The following NSG1 variants were observed in gnomAD, a reference collection of about 807,000 sequenced individuals.
NSG1 encodes neuronal vesicle trafficking associated 1.
NSG1 carries 9 observed loss-of-function variants against 19.3 expected under a neutral mutation model. That is an observed-to-expected ratio of 0.47 (90% CI 0.28 to 0.81). NSG1 has a LOEUF of 0.81. Ranked by LOEUF, NSG1 falls within the 40% of genes least tolerant of loss-of-function variation. The probability of loss-of-function intolerance (pLI) is 0.11; values close to 1 mark genes in which losing one functional copy is unlikely to be tolerated. For synonymous variants in NSG1, 104 were observed against 107.0 expected (o/e 0.97, Z 0.17); for missense variants, 236 against 242.4 (o/e 0.97, Z 0.18).
chr4:4,397,650 C>G (rs1257987315), intron 3 of NSG1, among the ~76,000 whole-genome samples: 2 of 152,212 alleles, frequency 1.3e-5, no homozygotes, highest in Non-Finnish European at 2.9e-5. Flanking sequence ...ACTCCTGGCC[C>G]AGGTGGGGCC....
chr4:4,387,853 A>G (rs895735270), intron 2 of NSG1, 95 bp downstream of exon 2: 15 of 1,062,116 alleles, frequency 1.4e-5, no homozygotes, highest in Non-Finnish European at 1.7e-5. Context: ...TGCGCTGGGT[A>G]CGCGAAGTGG....
intron 4 of NSG1, among the ~76,000 whole-genome samples, chr4:4,412,211 A>AG (rs1459993490): frequency 6.6e-6 from 1 of 152,074 alleles, no homozygotes; most frequent in Non-Finnish European, 1.5e-5. Context: ...CCCCACAGGG[A>AG]GGAGGGGGTG....
intron 1 of NSG1, among the ~76,000 whole-genome samples, 169 bp from the exon 2 acceptor site, chr4:4,387,435 G>A (rs1722778707): frequency 6.6e-6 from 1 of 152,114 alleles, no homozygotes; most frequent in Non-Finnish European, 1.5e-5. Flanking sequence ...AGCACCACCC[G>A]ACCCCCGCAT....
chr4:4,409,490 G>GA, intron 3 of NSG1, 83 bp from the exon 4 acceptor site: 1 of 977,948 alleles, frequency 1.0e-6, no homozygotes, highest in Admixed American at 1.7e-5. Context: ...ATGCTGTGTG[G>GA]GGGGGGGCCT....
chr4:4,403,780 G>C (rs917985914), intron 3 of NSG1, among the ~76,000 whole-genome samples: 2 of 152,236 alleles, frequency 1.3e-5, no homozygotes, highest in African/African-American at 4.8e-5. Context: ...CAGGTGTTGT[G>C]TTAGGAGTAC....
chr4:4,411,718 T>A (rs1724190005), intron 4 of NSG1, among the ~76,000 whole-genome samples: 1 of 145,506 alleles, frequency 6.9e-6, no homozygotes, highest in African/African-American at 2.8e-5. Context: ...CACTCCAGCC[T>A]GGGCAACAGA....
intron 3 of NSG1, among the ~76,000 whole-genome samples, chr4:4,406,751 G>A (rs955303484): frequency 6.6e-6 from 1 of 152,164 alleles, no homozygotes; most frequent in South Asian, 2.1e-4. Flanking sequence ...TCACAGGCTG[G>A]AGCCAGGTGC....
intron 4 of NSG1, among the ~76,000 whole-genome samples, chr4:4,410,928 A>T (rs1470183035): frequency 6.6e-6 from 1 of 152,008 alleles, no homozygotes; most frequent in Non-Finnish European, 1.5e-5. Flanking sequence ...TGCGTTCTTG[A>T]CTCACTGCAA....
chr4:4,409,548 C>A (rs771311844), intron 3 of NSG1, 25 bp from the exon 4 acceptor site: 2 of 1,590,386 alleles, frequency 1.3e-6, no homozygotes, highest in Non-Finnish European at 1.7e-6. Flanking sequence ...CCGGCCACCC[C>A]TGACAGTCCC....
chr4:4,390,518 A>G (rs1335454338), intron 2 of NSG1, among the ~76,000 whole-genome samples: 1 of 152,022 alleles, frequency 6.6e-6, no homozygotes, highest in Non-Finnish European at 1.5e-5. Context: ...CATCGTGGAG[A>G]GCAGGTGACG....
At position 4,402,829 on chromosome 4, in the gene NSG1, A is replaced by G. The variant is rs1396410039; in HGVS notation, c.247-6744A>G. On this transcript the variant is annotated intron_variant, in intron 3 of 4. Coordinates refer to ENST00000621129, the MANE Select transcript of NSG1 (RefSeq NM_014392.5). ...TAAGGAAATGCGCTTCTCCCAACCT[A>G]GAGACTGCCTGGCCCACCTGGAGAA... Among the ~76,000 whole-genome samples, 4 of 152,196 alleles carry G rather than the reference A, an allele frequency of 2.6e-5. No individual in the cohort carries two copies. In the East Asian group the frequency reaches 7.7e-4, roughly 29 times the overall value.
chr4:4,411,786 A>AACAAAACAAAACACAAAACAC (rs1724217449), intron 4 of NSG1, among the ~76,000 whole-genome samples: 1 of 141,934 alleles, frequency 7.0e-6, no homozygotes, highest in African/African-American at 2.7e-5. Context: ...AACAAAACAA[A>AACAAAACAAAACACAAAACAC]ACAAAACATT....
chr4:4,408,621 C>T (rs977858919), intron 3 of NSG1, among the ~76,000 whole-genome samples: 2 of 152,130 alleles, frequency 1.3e-5, no homozygotes, highest in Non-Finnish European at 2.9e-5. Flanking sequence ...ACCAACATGC[C>T]CGGCTAATTT....
intron 2 of NSG1, 50 bp from the exon 3 acceptor site, chr4:4,391,425 C>A (rs1237347509): frequency 7.9e-7 from 1 of 1,261,654 alleles, no homozygotes; most frequent in Admixed American, 2.0e-5. Context: ...CCTCTTTGGG[C>A]AGATATGTCT....
At chr4:4,406,036 T>C (rs1017994644) in intron 3 of NSG1, among the ~76,000 whole-genome samples, 2 of 152,292 alleles carry the variant, frequency 1.3e-5, no homozygotes, top group African/African-American at 4.8e-5. Context: ...TGAAACCCTC[T>C]TCTTTTTTTG....
intron 3 of NSG1, among the ~76,000 whole-genome samples, chr4:4,402,533 G>A (rs914498555): frequency 1.1e-4 from 17 of 151,464 alleles, no homozygotes; most frequent in African/African-American, 1.7e-4. Flanking sequence ...GACTACAGGC[G>A]TCCGCCACTA....
In NSG1 at chr4:4,418,767, T is replaced by G. The variant is rs1473334555; in HGVS notation, c.*1332T>G. The G allele has an allele frequency of 6.6e-6, 1 of 152,524 alleles. No homozygotes were observed. The highest frequency in any genetic ancestry group is 1.5e-5 in the Non-Finnish European group (1 of 68,020). 9.4% of individuals were successfully genotyped at this position (152,524 alleles called of 1,614,324 possible). ...TGAAATGTGCTTCTAAGACAGAAAATGTATTTTCTCATCAAGGGTGTCTGG... is the reference window on the plus strand; with the variant it reads ...TGAAATGTGCTTCTAAGACAGAAAAGGTATTTTCTCATCAAGGGTGTCTGG... On this transcript the variant is annotated 3_prime_UTR_variant, in exon 5 of 5. Coordinates refer to ENST00000621129, the MANE Select transcript of NSG1 (RefSeq NM_014392.5).
At chr4:4,400,024 C>T (rs764856616) in intron 3 of NSG1, among the ~76,000 whole-genome samples, 10 of 152,182 alleles carry the variant, frequency 6.6e-5, no homozygotes, top group African/African-American at 9.7e-5. Context: ...CCCAGGGGTT[C>T]GGGACCCCTG....
chr4:4,399,551 A>G (rs1168203471), intron 3 of NSG1, among the ~76,000 whole-genome samples: 1 of 150,858 alleles, frequency 6.6e-6, no homozygotes, highest in Non-Finnish European at 1.5e-5. Context: ...TGTGATTTGT[A>G]AATATTTTCT....
Sources: gnomAD v4.1 joint callset for allele counts (sites outside exome capture counted in the v4.1 genomes callset) on GRCh38, gnomAD v4.1.1 for gene constraint, MANE v1.5 for transcripts, NCBI Gene and HGNC (gene_info 2026-07-23, HGNC 2026-07-21) for gene names.